The following PBX1 variants were observed in gnomAD, a reference collection of about 807,000 sequenced individuals.
PBX1 encodes PBX homeobox 1.
In PBX1, 6 loss-of-function variants were observed where a neutral mutation model predicts 53.4. The observed-to-expected ratio is 0.11, with a 90% CI of 0.06 to 0.22. The LOEUF (loss-of-function observed/expected upper bound fraction) is 0.22, where lower values mean the gene tolerates loss of function less well. PBX1 is among the 10% of genes least tolerant of loss of function. The probability of loss-of-function intolerance (pLI) is 1.00; values close to 1 mark genes in which losing one functional copy is unlikely to be tolerated. For missense variants in PBX1, 251 were observed against 551.4 expected, an observed-to-expected ratio of 0.46 and a Z score of 5.46; for synonymous variants, 204 against 212.3, an observed-to-expected ratio of 0.96 and a Z score of 0.34.
chr1:164,605,804 T>A (rs1656508118), intron 2 of PBX1, among the ~76,000 whole-genome samples: 1 of 152,234 alleles, frequency 6.6e-6, no homozygotes, highest in African/African-American at 2.4e-5. Context: ...AAACAACATC[T>A]ATTTGCATAC....
chr1:164,681,359 A>G (rs1239200618), intron 2 of PBX1, among the ~76,000 whole-genome samples: 1 of 152,246 alleles, frequency 6.6e-6, no homozygotes, highest in Non-Finnish European at 1.5e-5. Flanking sequence ...ACCTGTATAT[A>G]CATATTCATA....
At chr1:164,603,928 C>CCTTTTTT (rs1557885817) in intron 2 of PBX1, among the ~76,000 whole-genome samples, 1 of 48,732 alleles carries the variant, frequency 2.1e-5, no homozygotes, top group Non-Finnish European at 3.7e-5. Context: ...TATGTCATTT[C>CCTTTTTT]ATTTTTTTTT....
At chr1:164,701,226 A>G (rs1157200024) in intron 2 of PBX1, among the ~76,000 whole-genome samples, 2 of 152,184 alleles carry the variant, frequency 1.3e-5, no homozygotes, top group Non-Finnish European at 2.9e-5. Flanking sequence ...CAGAGCTTCC[A>G]GGATAGTACT....
At chr1:164,655,756 G>A (rs1660129157) in intron 2 of PBX1, among the ~76,000 whole-genome samples, 1 of 152,152 alleles carries the variant, frequency 6.6e-6, no homozygotes, top group Non-Finnish European at 1.5e-5. Context: ...GTAAAACATT[G>A]TATATAGTTA....
intron 2 of PBX1, among the ~76,000 whole-genome samples, chr1:164,586,780 G>A (rs192439042): frequency 5.1e-4 from 78 of 152,280 alleles, no homozygotes; most frequent in African/African-American, 1.6e-3. Context: ...CACAGAATTC[G>A]TGGGGCATGC....
intron 2 of PBX1, among the ~76,000 whole-genome samples, chr1:164,564,860 T>G (rs1045877060): frequency 6.6e-6 from 1 of 152,032 alleles, no homozygotes; most frequent in African/African-American, 2.4e-5. Flanking sequence ...CTCTTTTTTC[T>G]TCTTTGATCT....
intron 2 of PBX1, among the ~76,000 whole-genome samples, chr1:164,785,038 G>C (rs1012585722): frequency 1.3e-5 from 2 of 152,118 alleles, no homozygotes; most frequent in Non-Finnish European, 2.9e-5. Flanking sequence ...GGGGAACAAG[G>C]GTGGCTTTCA....
At chr1:164,613,264 T>C (rs1657053657) in intron 2 of PBX1, among the ~76,000 whole-genome samples, 1 of 152,188 alleles carries the variant, frequency 6.6e-6, no homozygotes, top group African/African-American at 2.4e-5. Context: ...ACAAAGCATC[T>C]AAAGTAATCA....
chr1:164,559,633 T>TCCC lies in PBX1; in HGVS notation c.-189_-188insCCC, dbSNP rs1652872004. ...TCACGCCCCCTCCCCCTCCCCCTCCTCATCCTCCCACCATCCTCTAAAGAG... is the reference window on the plus strand; with the variant it reads ...TCACGCCCCCTCCCCCTCCCCCTCCTCCCCATCCTCCCACCATCCTCTAAAGAG... On this transcript the variant is annotated 5_prime_UTR_variant, in exon 1 of 9. Transcript: ENST00000420696. 1.1e-5 allele frequency: 3 copies of TCCC among 272,162 alleles called. No homozygotes were observed. Among genetic ancestry groups the TCCC allele is most frequent in the Non-Finnish European group, 2.1e-5 (3 of 145,632 alleles). 16.9% of individuals were successfully genotyped at this position (272,162 alleles called of 1,614,324 possible).
intron 2 of PBX1, among the ~76,000 whole-genome samples, chr1:164,746,535 C>T (rs1571328089): frequency 6.6e-6 from 1 of 152,134 alleles, no homozygotes; most frequent in African/African-American, 2.4e-5. Context: ...TGCCACCACG[C>T]CCGGCTAAGT....
chr1:164,584,021 T>C (rs1032105717), intron 2 of PBX1, among the ~76,000 whole-genome samples: 2 of 152,102 alleles, frequency 1.3e-5, no homozygotes, highest in Non-Finnish European at 2.9e-5. Context: ...GGTAAGGTCC[T>C]AGTGAGCCAT....
Position 164,655,201 on chromosome 1 carries a change from C to A in PBX1, c.265+91890C>A, listed in dbSNP as rs1571159145. Among the ~76,000 whole-genome samples the A allele has an allele frequency of 4.6e-5, 7 of 151,826 alleles. No homozygotes were observed. The South Asian group carries it at 1.0e-3, about 23-fold the overall frequency. The stretch of plus-strand genomic sequence containing the variant: ...CGATCTCAGCTCACTGCAACCTCCA[C>A]CTCCTGGGTTCAAGTGATTCTCCTG... On this transcript the variant is annotated intron_variant, in intron 2 of 8. Transcript: ENST00000420696.
chr1:164,793,623 A>C (rs1303826146), intron 3 of PBX1, among the ~76,000 whole-genome samples: 1 of 152,118 alleles, frequency 6.6e-6, no homozygotes, highest in Non-Finnish European at 1.5e-5. Flanking sequence ...ACACATACAC[A>C]CATCATATAG....
chr1:164,659,676 TC>T lies in PBX1; in HGVS notation c.265+96368del, dbSNP rs1421234584. ...TTCACACATCCTCCCTTGTTCCCTC[TC>T]CCTGGCAGCTTAAGCAAGAGCACTA... is the stretch of plus-strand genomic sequence containing the variant. On this transcript the variant is annotated intron_variant, in intron 2 of 8. Transcript: ENST00000420696. 4.6e-5 allele frequency among the ~76,000 whole-genome samples: 7 copies of T among 152,294 alleles called. No individual in the cohort carries two copies. In the East Asian group the frequency reaches 1.4e-3, roughly 29 times the overall value.
intron 2 of PBX1, among the ~76,000 whole-genome samples, chr1:164,708,987 T>C (rs1422971916): frequency 3.9e-5 from 6 of 152,166 alleles, no homozygotes; most frequent in Non-Finnish European, 8.8e-5. Flanking sequence ...AGGAAGACAG[T>C]GTCCTAGTCC....
intron 2 of PBX1, among the ~76,000 whole-genome samples, chr1:164,612,215 G>A (rs948925291): frequency 2.0e-5 from 3 of 152,082 alleles, no homozygotes; most frequent in Non-Finnish European, 2.9e-5. Flanking sequence ...ACCTCTGGGC[G>A]CCTCAGCCAA....
chr1:164,812,196 T>C (rs948715456), intron 6 of PBX1, 47 bp downstream of exon 6: 5 of 1,526,304 alleles, frequency 3.3e-6, no homozygotes, highest in Non-Finnish European at 2.7e-6. Context: ...TTGTTCTCCA[T>C]TTTTATACTG....
At chr1:164,857,287 A>G (rs1009705094) in intron 2 of PBX1, among the ~76,000 whole-genome samples, 8 of 152,156 alleles carry the variant, frequency 5.3e-5, no homozygotes, top group African/African-American at 1.9e-4. Flanking sequence ...GCAGTTTATT[A>G]TAAAGGATAC....
At chr1:164,792,774 C>T (rs1240043858) in intron 3 of PBX1, 36 bp downstream of exon 3, 1 of 1,495,256 alleles carries the variant, frequency 6.7e-7, no homozygotes. Context: ...CACCCAGGCC[C>T]TTTAGGAAAG....
Sources: gnomAD v4.1 joint callset for allele counts (sites outside exome capture counted in the v4.1 genomes callset) on GRCh38, gnomAD v4.1.1 for gene constraint, MANE v1.5 for transcripts, NCBI Gene and HGNC (gene_info 2026-07-23, HGNC 2026-07-21) for gene names.